The following LRP1B variants were observed in gnomAD, a reference collection of about 807,000 sequenced individuals.
The protein encoded by LRP1B is low-density lipoprotein receptor-related protein 1B.
Under a neutral mutation model 556.6 loss-of-function variants are expected in LRP1B, and 217 were observed. The ratio of observed to expected loss-of-function variants is 0.39; its 90% CI spans 0.35 to 0.44. The LOEUF (loss-of-function observed/expected upper bound fraction) is 0.44. Ranked by LOEUF, LRP1B falls within the 20% of genes least tolerant of loss-of-function variation. LRP1B has a pLI of 1.00. For missense variants in LRP1B, 5,053 were observed against 5,620.8 expected, an observed-to-expected ratio of 0.90 and a Z score of 3.23; for synonymous variants, 2,047 against 1,865.8, an observed-to-expected ratio of 1.10 and a Z score of -2.50.
chr2:140,947,114 T>C (rs886636377), intron 20 of LRP1B, among the ~76,000 whole-genome samples: 65 of 152,278 alleles, frequency 4.3e-4, no homozygotes, highest in African/African-American at 1.5e-3. Context: ...AACCTCAGCA[T>C]CATGCAAAAT....
intron 41 of LRP1B, among the ~76,000 whole-genome samples, chr2:140,652,218 GT>G (rs1684715462): frequency 6.6e-6 from 1 of 151,808 alleles, no homozygotes; most frequent in East Asian, 1.9e-4. Flanking sequence ...AAAAACAGTT[GT>G]CATTTTCAAA....
At chr2:140,989,755 T>C (rs1697033781) in intron 16 of LRP1B, 98 bp from the exon 17 acceptor site, 8 of 1,157,116 alleles carry the variant, frequency 6.9e-6, no homozygotes, top group Middle Eastern at 2.0e-4. Context: ...AATAATATTA[T>C]AGTACAATAA....
At chr2:141,312,189 CT>C (rs745702704) in intron 3 of LRP1B, among the ~76,000 whole-genome samples, 8 of 152,252 alleles carry the variant, frequency 5.3e-5, no homozygotes, top group Non-Finnish European at 1.2e-4. Flanking sequence ...CCTCCTCCAC[CT>C]CCTTTACTTC....
Position 140,290,870 on chromosome 2 carries a change from G to A in LRP1B, c.12967+6938C>T, listed in dbSNP as rs1683342320. Among the ~76,000 whole-genome samples the A allele has an allele frequency of 2.6e-5, 4 of 152,000 alleles. No individual in the cohort carries two copies. The South Asian group carries it at 8.3e-4, about 31-fold the overall frequency. On this transcript the variant is annotated intron_variant, in intron 84 of 90. Coordinates refer to ENST00000389484, the MANE Select transcript of LRP1B (RefSeq NM_018557.3). ...ATGGCAGAAAAATATATTAGACCAG[G>A]AGAAGCCCAGTTTTCAGAGTCAGAT...
At chr2:141,124,104 C>T (rs1304661622) in intron 7 of LRP1B, among the ~76,000 whole-genome samples, 1 of 151,966 alleles carries the variant, frequency 6.6e-6, no homozygotes, top group African/African-American at 2.4e-5. Context: ...CATTTAAAGT[C>T]TGACTACTTA....
chr2:141,083,272 C>A (rs1699969682), intron 7 of LRP1B, among the ~76,000 whole-genome samples: 1 of 150,598 alleles, frequency 6.6e-6, no homozygotes. Flanking sequence ...AGCAATTAAA[C>A]AAGTCTAAAG....
intron 3 of LRP1B, among the ~76,000 whole-genome samples, chr2:141,305,790 T>C (rs1259347226): frequency 2.0e-5 from 3 of 152,198 alleles, no homozygotes; most frequent in Non-Finnish European, 4.4e-5. Flanking sequence ...TGAGAGTGTT[T>C]ATCATGAAGA....
At chr2:140,438,826 A>G (rs894462978) in intron 66 of LRP1B, among the ~76,000 whole-genome samples, 1 of 152,196 alleles carries the variant, frequency 6.6e-6, no homozygotes, top group Non-Finnish European at 1.5e-5. Flanking sequence ...GAAAGGATGC[A>G]GGAAAATAAG....
intron 27 of LRP1B, among the ~76,000 whole-genome samples, chr2:140,858,482 A>G (rs954702157): frequency 1.5e-5 from 2 of 136,544 alleles, no homozygotes; most frequent in South Asian, 4.7e-4. Flanking sequence ...TTTATATATA[A>G]TATATATTTT....
At chr2:141,459,371 T>C (rs1398279851) in intron 3 of LRP1B, among the ~76,000 whole-genome samples, 1 of 152,162 alleles carries the variant, frequency 6.6e-6, no homozygotes, top group African/African-American at 2.4e-5. Context: ...CTATGCTTCC[T>C]CACGGATCCT....
intron 2 of LRP1B, among the ~76,000 whole-genome samples, chr2:141,493,677 A>C (rs755266592): frequency 2.0e-5 from 3 of 152,154 alleles, no homozygotes; most frequent in Non-Finnish European, 4.4e-5. Context: ...CTGAGCCAGC[A>C]GGAGATTATT....
intron 3 of LRP1B, among the ~76,000 whole-genome samples, chr2:141,435,170 G>A (rs555720492): frequency 1.3e-5 from 2 of 152,236 alleles, no homozygotes; most frequent in African/African-American, 4.8e-5. Context: ...AGTCAACCCT[G>A]GGTCAAAGTA....
intron 2 of LRP1B, among the ~76,000 whole-genome samples, chr2:141,630,622 G>T (rs1291193807): frequency 6.6e-6 from 1 of 152,176 alleles, no homozygotes; most frequent in South Asian, 2.1e-4. Flanking sequence ...ACGACAGATG[G>T]TCCCTGACTT....
chr2:142,115,517 C>T lies in LRP1B; in HGVS notation c.82+15131G>A, dbSNP rs1275060770. Among the ~76,000 whole-genome samples the T allele has an allele frequency of 3.3e-4, 21 of 63,062 alleles. 2 individuals are homozygous for T. The highest frequency in any genetic ancestry group is 5.2e-4 in the Non-Finnish European group (17 of 32,748). 41.4% of individuals were successfully genotyped at this position (63,062 alleles called of 152,430 possible). A position where few individuals can be genotyped will look rare whatever the true frequency, so the allele number is the denominator to read the frequency against. On this transcript the variant is annotated intron_variant, in intron 1 of 90. Transcript: ENST00000389484. ...TATATATAATATATATTATATATTA[C>T]ATATATAATATATATATTACATATG... is the stretch of plus-strand genomic sequence containing the variant.
At chr2:141,081,716 A>G (rs1340359098) in intron 7 of LRP1B, among the ~76,000 whole-genome samples, 1 of 152,156 alleles carries the variant, frequency 6.6e-6, no homozygotes, top group Non-Finnish European at 1.5e-5. Flanking sequence ...ATTAGGCTAC[A>G]GAAGAAAAAG....
intron 20 of LRP1B, among the ~76,000 whole-genome samples, chr2:140,929,115 G>A (rs900190993): frequency 1.3e-5 from 2 of 152,100 alleles, no homozygotes; most frequent in African/African-American, 4.8e-5. Flanking sequence ...TTGAGTAGAA[G>A]TAGAAAAAAC....
intron 43 of LRP1B, among the ~76,000 whole-genome samples, chr2:140,579,791 G>A (rs775489350): frequency 8.5e-5 from 13 of 152,146 alleles, no homozygotes; most frequent in Non-Finnish European, 1.9e-4. Context: ...GCAGTGAACC[G>A]AGATCGCGCC....
chr2:140,513,666 T>C (rs56673723), intron 51 of LRP1B, among the ~76,000 whole-genome samples: 105,675 of 151,146 alleles, frequency 0.7, 37,394 homozygotes, highest in Middle Eastern at 0.82. Context: ...TAAAGAGAAC[T>C]TCAGTTGAGC....
chr2:141,044,670 T>G (rs1415270079), intron 11 of LRP1B, among the ~76,000 whole-genome samples: 1 of 151,668 alleles, frequency 6.6e-6, no homozygotes, highest in Admixed American at 6.6e-5. Flanking sequence ...CATGAAAAAA[T>G]GCTCATCATC....
Sources: allele counts gnomAD v4.1 joint callset (sites outside exome capture counted in the v4.1 genomes callset), GRCh38; gene constraint gnomAD v4.1.1; transcripts MANE v1.5; gene names NCBI Gene and HGNC (gene_info 2026-07-23, HGNC 2026-07-21).